Variants in SFTA2 observed in about 807,000 individuals in gnomAD.
The protein encoded by SFTA2 is surfactant associated 2.
Under a neutral mutation model 6.0 loss-of-function variants are expected in SFTA2, and 3 were observed. That is an observed-to-expected ratio of 0.50 (90% confidence interval 0.23 to 1.28). The LOEUF is 1.28. SFTA2 is among the 50% of genes most tolerant of loss of function. The probability of loss-of-function intolerance (pLI) is 0.19; values close to 1 mark genes in which losing one functional copy is unlikely to be tolerated. For missense variants in SFTA2, 87 were observed against 88.5 expected, an observed-to-expected ratio of 0.98 and a Z score of 0.07; for synonymous variants, 40 against 39.3, an observed-to-expected ratio of 1.02 and a Z score of -0.07.
chr6:30,931,921 T>C (rs1795159335), intron 1 of SFTA2, 115 bp downstream of exon 1: 5 of 1,527,034 alleles, frequency 3.3e-6, no homozygotes, highest in Non-Finnish European at 3.6e-6. Flanking sequence ...CCAGAGCCTC[T>C]TGGAAGCTCA....
Position 30,931,697 on chromosome 6 carries a change from A to T in SFTA2, c.150+10T>A, listed in dbSNP as rs1388175369. On this transcript the variant is annotated intron_variant, in intron 2 of 2. Coordinates refer to ENST00000359086, the MANE Select transcript of SFTA2 (RefSeq NM_205854.3). ...CACACAGCCCCATCTTTCCCCTTCC[A>T]AAGAACTACCTTTTCAAGCAATTCC... 1.2e-6 allele frequency: 2 copies of T among 1,613,100 alleles called. No homozygotes were observed.
chr6:30,931,443 C>T lies in SFTA2; in HGVS notation c.*45G>A, dbSNP rs1385396806. On this transcript the variant is annotated 3_prime_UTR_variant, in exon 3 of 3. Transcript: ENST00000359086. ...GGTCGGGGCCTGCCTCCTGCATCCC[C>T]GGCCCAAAAGCCCGGGCCAAGAAGG... The T allele has an allele frequency of 4.6e-6, 7 of 1,514,062 alleles. No individual in the cohort carries two copies. The highest frequency in any genetic ancestry group is 2.1e-5 in the Admixed American group (1 of 46,860). The allele number at this position is 1,514,062 out of a possible 1,614,324, so 93.8% of individuals were successfully genotyped here.
Position 30,931,807 on chromosome 6 carries a change from G to T in SFTA2, c.62-12C>A. 6.2e-7 allele frequency: 1 copy of T among 1,612,948 alleles called. No homozygotes were observed. The highest frequency in any genetic ancestry group is 8.5e-7 in the Non-Finnish European group (1 of 1,179,936). ...AGTCATACCCGGCCCTGCGGATCCA[G>T]AAGTACAGCTTAGGACCCAGCAGTC... On this transcript the variant is annotated splice_polypyrimidine_tract_variant and intron_variant, in intron 1 of 2. Coordinates refer to ENST00000359086, the MANE Select transcript of SFTA2 (RefSeq NM_205854.3).
In SFTA2 at chr6:30,932,116, G is replaced by T; in HGVS notation, c.-20C>A. 6.2e-6 allele frequency: 10 copies of T among 1,610,320 alleles called. No homozygotes were observed. Among genetic ancestry groups the T allele is most frequent in the Non-Finnish European group, 8.5e-6 (10 of 1,178,982 alleles). On this transcript the variant is annotated 5_prime_UTR_variant, in exon 1 of 3. Coordinates refer to ENST00000359086, the MANE Select transcript of SFTA2 (RefSeq NM_205854.3). The surrounding 1 kb of genome is among the most constrained non-coding windows in gnomAD (Gnocchi z 6.5). ...CCCCATAGTGGCCACTGCGCTCCTGGGATGGAGGAGACACTGAAGTCCCGG... is the reference window on the plus strand; with the variant it reads ...CCCCATAGTGGCCACTGCGCTCCTGTGATGGAGGAGACACTGAAGTCCCGG...
In SFTA2 at chr6:30,931,741, G is replaced by C; in HGVS notation, c.116C>G (p.Ser39Cys). Reference protein sequence around the residue: ...KLKESFLTNSSYESSFLELLE... With the variant: ...KLKESFLTNSCYESSFLELLE... ...CAATTCCAGGAAGCTGGACTCATAG[G>C]AGGAATTTGTCAGAAAAGACTCCTT... Residue 39 changes from serine (S) to cysteine (C), a missense_variant, in exon 2 of 3, where the codon TCC (serine) becomes TGC (cysteine). Physicochemically the swap from Ser to Cys is moderately radical, Grantham distance 112 (BLOSUM62 -1). Coordinates refer to ENST00000359086, the MANE Select transcript of SFTA2 (RefSeq NM_205854.3). The C allele has an allele frequency of 6.2e-7, 1 of 1,613,112 alleles. No homozygotes were observed. Among genetic ancestry groups the C allele is most frequent in the African/African-American group, 1.3e-5 (1 of 75,036 alleles).
At position 30,931,748 on chromosome 6, in the gene SFTA2, T is replaced by G; in HGVS notation, c.109A>C (p.Asn37His). Reference protein sequence around the residue: ...QLKLKESFLTNSSYESSFLEL... With the variant: ...QLKLKESFLTHSSYESSFLEL... ...AGGAAGCTGGACTCATAGGAGGAAT[T>G]TGTCAGAAAAGACTCCTTCAGCTTC... Residue 37 changes from asparagine to histidine, a missense_variant, in exon 2 of 3, where the codon AAT becomes CAT. By Grantham distance (68) the Asn-to-His change is moderately conservative. Transcript: ENST00000359086. 6.2e-7 allele frequency: 1 copy of G among 1,613,098 alleles called. No homozygotes were observed. Among genetic ancestry groups the G allele is most frequent in the Non-Finnish European group, 8.5e-7 (1 of 1,180,038 alleles).
intron 1 of SFTA2, 77 bp from the exon 2 acceptor site, chr6:30,931,872 C>A (rs373514272): frequency 1.9e-6 from 3 of 1,565,912 alleles, no homozygotes; most frequent in African/African-American, 2.7e-5. Context: ...TTCCTGCTCA[C>A]GCTCCCCGGC....
chr6:30,932,102 C>T lies in SFTA2; in HGVS notation c.-6G>A, dbSNP rs1233586170. 1.9e-6 allele frequency: 3 copies of T among 1,611,820 alleles called. No homozygotes were observed. The South Asian group carries it at 3.3e-5, about 18-fold the overall frequency. On this transcript the variant is annotated 5_prime_UTR_variant, in exon 1 of 3. Transcript: ENST00000359086. This position sits in a 1 kb window ranked among gnomAD's most constrained non-coding sequence, Gnocchi z 6.5. Reference sequence around the variant, plus strand: ...AGGGGCAGCCCAGACCCCATAGTGGCCACTGCGCTCCTGGGATGGAGGAGA... The same window carrying T: ...AGGGGCAGCCCAGACCCCATAGTGGTCACTGCGCTCCTGGGATGGAGGAGA...
Position 30,931,533 on chromosome 6 carries a change from G to T in SFTA2, c.192C>A (p.Thr64=), listed in dbSNP as rs758682980. ...LLHLPSGTSV[T]LHHARSQHHV... is the part of the protein sequence containing the mutation. ...GGTGTTGAGATCTTGCATGGTGGAG[G>T]GTGACGCTGGTCCCTGAAGGGAGAT... The change falls in exon 3 of 3, where the codon ACC becomes ACA. Residue 64 remains threonine (T), a synonymous_variant. Coordinates refer to ENST00000359086, the MANE Select transcript of SFTA2 (RefSeq NM_205854.3). 2 of 1,609,300 alleles carry T rather than the reference G, an allele frequency of 1.2e-6. No homozygotes were observed. Among genetic ancestry groups the T allele is most frequent in the South Asian group, 2.2e-5 (2 of 90,460 alleles).
chr6:30,931,530 GA>G lies in SFTA2; in HGVS notation c.194del (p.Leu65ProfsTer18). The G allele has an allele frequency of 6.2e-7, 1 of 1,609,056 alleles. No homozygotes were observed. The highest frequency in any genetic ancestry group is 8.5e-7 in the Non-Finnish European group (1 of 1,177,764). ...LHLPSGTSVT[L>X]HHARSQHHVV... ...CATGGTGTTGAGATCTTGCATGGTG[GA>G]GGGTGACGCTGGTCCCTGAAGGGAG... On this transcript the variant is annotated frameshift_variant, in exon 3 of 3. Coordinates refer to ENST00000359086, the MANE Select transcript of SFTA2 (RefSeq NM_205854.3). LOFTEE classifies it high-confidence loss of function.
At chr6:30,931,683 A>G in intron 2 of SFTA2, 24 bp downstream of exon 2, 2 of 1,612,564 alleles carry the variant, frequency 1.2e-6, no homozygotes, top group Non-Finnish European at 1.7e-6. Flanking sequence ...ACACAGCCCC[A>G]TCTTTCCCCT....
Position 30,931,396 on chromosome 6 carries a change from G to T in SFTA2, c.*92C>A. 5 of 1,246,404 alleles carry T rather than the reference G, an allele frequency of 4.0e-6. No homozygotes were observed. The highest frequency in any genetic ancestry group is 5.5e-6 in the Non-Finnish European group (5 of 904,178). 77.2% of individuals were successfully genotyped at this position (1,246,404 alleles called of 1,614,324 possible). On this transcript the variant is annotated 3_prime_UTR_variant, in exon 3 of 3. Coordinates refer to ENST00000359086, the MANE Select transcript of SFTA2 (RefSeq NM_205854.3). ...ATTTTATTTATTGCCGCTCAGGAGG[G>T]TGGGGGCCTGCTGAAAGACAGGGTC...
In SFTA2 at chr6:30,932,166, T is replaced by C; in HGVS notation, c.-70A>G. 1.4e-6 allele frequency: 2 copies of C among 1,474,302 alleles called. No homozygotes were observed. Among genetic ancestry groups the C allele is most frequent in the Non-Finnish European group, 1.9e-6 (2 of 1,071,554 alleles). 91.3% of individuals were successfully genotyped at this position (1,474,302 alleles called of 1,614,324 possible). A position where few individuals can be genotyped will look rare whatever the true frequency, so the allele number is the denominator to read the frequency against. On this transcript the variant is annotated 5_prime_UTR_variant, in exon 1 of 3. Transcript: ENST00000359086. The surrounding 1 kb of genome is among the most constrained non-coding windows in gnomAD (Gnocchi z 6.5). ...GTGGCCTCTCCTTAACAGGCCTGTT[T>C]CTACACCCCACTCAAGCCTTAGCAT...
rs772581475 is a variant in SFTA2, at chr6:30,932,081, G to A, written c.16C>T (p.Pro6Ser). 6.2e-7 allele frequency: 1 copy of A among 1,612,692 alleles called. No homozygotes were observed. The highest frequency in any genetic ancestry group is 2.2e-5 in the East Asian group (1 of 44,880). The change falls in exon 1 of 3, where the codon CCC (proline) becomes TCC (serine). Residue 6 changes from proline to serine, a missense_variant. Pro to Ser is a moderately conservative substitution (Grantham distance 74, BLOSUM62 -1). Coordinates refer to ENST00000359086, the MANE Select transcript of SFTA2 (RefSeq NM_205854.3). The surrounding 1 kb of genome is among the most constrained non-coding windows in gnomAD (Gnocchi z 6.5). ...AGGAGGGTCAAGAGGAGGACAAGGG[G>A]CAGCCCAGACCCCATAGTGGCCACT... is the stretch of plus-strand genomic sequence containing the variant. Reference protein sequence around the residue: MGSGLPLVLLLTLLGS... With the variant: MGSGLSLVLLLTLLGS...
intron 2 of SFTA2, 35 bp downstream of exon 2, chr6:30,931,672 C>T: frequency 6.2e-7 from 1 of 1,612,132 alleles, no homozygotes; most frequent in East Asian, 2.2e-5. Flanking sequence ...GACTCACAAA[C>T]ACACAGCCCC....
chr6:30,931,740 G>A lies in SFTA2; in HGVS notation c.117C>T (p.Ser39=), dbSNP rs1475528394. Residue 39 remains serine (S), a synonymous_variant, in exon 2 of 3, where the codon TCC becomes TCT. Transcript: ENST00000359086. ...KLKESFLTNS[S]YESSFLELLE... ...GCAATTCCAGGAAGCTGGACTCATA[G>A]GAGGAATTTGTCAGAAAAGACTCCT... 1 of 1,612,994 alleles carries A rather than the reference G, an allele frequency of 6.2e-7. No individual in the cohort carries two copies. Among genetic ancestry groups the A allele is most frequent in the Non-Finnish European group, 8.5e-7 (1 of 1,180,044 alleles).
rs781362646 is a variant in SFTA2, at chr6:30,931,461, C to T, written c.*27G>A. ...GCATCCCCGGCCCAAAAGCCCGGGC[C>T]AAGAAGGACACAGGCTTCAATGGCT... is the stretch of plus-strand genomic sequence containing the variant. On this transcript the variant is annotated 3_prime_UTR_variant, in exon 3 of 3. Transcript: ENST00000359086. 1.3e-6 allele frequency: 2 copies of T among 1,535,328 alleles called. No individual in the cohort carries two copies. The highest frequency in any genetic ancestry group is 2.5e-5 in the South Asian group (2 of 79,106).
Position 30,932,049 on chromosome 6 carries a change from G to A in SFTA2, c.48C>T (p.Ser16=). The A allele has an allele frequency of 6.2e-7, 1 of 1,612,386 alleles. No individual in the cohort carries two copies. Among genetic ancestry groups the A allele is most frequent in the Non-Finnish European group, 8.5e-7 (1 of 1,179,828 alleles). ...PLVLLLTLLG[S]SHGTGPGMTL... The stretch of plus-strand genomic sequence containing the variant: ...TCTAGCCCTCACCTGTTCCATGTGA[G>A]CTGCCAAGGAGGGTCAAGAGGAGGA... Residue 16 remains serine (S), a synonymous_variant, in exon 1 of 3, where the codon AGC becomes AGT. Transcript: ENST00000359086. The surrounding 1 kb of genome is among the most constrained non-coding windows in gnomAD (Gnocchi z 6.5).
rs3131787 is a variant in SFTA2 at position 30,931,747 on chromosome 6, T to C, written c.110A>G (p.Asn37Ser). ...CAGGAAGCTGGACTCATAGGAGGAA[T>C]TTGTCAGAAAAGACTCCTTCAGCTT... is the stretch of plus-strand genomic sequence containing the variant. ...QLKLKESFLT[N>S]SSYESSFLEL... Residue 37 changes from asparagine to serine, a missense_variant, in exon 2 of 3, where the codon AAT becomes AGT. Transcript: ENST00000359086. The C allele has an allele frequency of 0.18, 293,683 of 1,612,478 alleles. 29,486 individuals carry two copies. Among genetic ancestry groups the C allele is most frequent in the Non-Finnish European group, 0.21 (246,426 of 1,179,554 alleles).
Sources: gnomAD v4.1 joint callset for allele counts on GRCh38, gnomAD v4.1.1 for gene constraint, Gnocchi (gnomAD v3.1) non-coding constraint, MANE v1.5 for transcripts, NCBI Gene and HGNC (gene_info 2026-07-23, HGNC 2026-07-21) for gene names.